NKAIN2: variants seen among roughly 807,000 people sequenced by gnomAD.
NKAIN2 encodes the protein sodium/potassium-transporting ATPase subunit beta-1-interacting protein 2.
In NKAIN2, 14 loss-of-function variants were observed where a neutral mutation model predicts 32.6. That is an observed-to-expected ratio of 0.43 (90% CI 0.28 to 0.67). The LOEUF is 0.67. NKAIN2 is among the 30% of genes least tolerant of loss of function. The pLI is 0.17. For missense variants in NKAIN2, 198 were observed against 258.3 expected, an observed-to-expected ratio of 0.77 and a Z score of 1.60; for synonymous variants, 80 against 87.2, an observed-to-expected ratio of 0.92 and a Z score of 0.46.
intron 3 of NKAIN2, among the ~76,000 whole-genome samples, chr6:124,458,683 CTG>C (rs1776413999): frequency 6.6e-6 from 1 of 151,740 alleles, no homozygotes; most frequent in African/African-American, 2.4e-5. Flanking sequence ...AATTATAGGA[CTG>C]TATTATTTTG....
At chr6:124,726,148 C>A (rs1776291389) in intron 4 of NKAIN2, among the ~76,000 whole-genome samples, 1 of 152,222 alleles carries the variant, frequency 6.6e-6, no homozygotes, top group Non-Finnish European at 1.5e-5. Context: ...CCCACCATTG[C>A]CCAGGCTTGA....
At chr6:124,724,856 C>T (rs1391421253) in intron 4 of NKAIN2, among the ~76,000 whole-genome samples, 4 of 152,174 alleles carry the variant, frequency 2.6e-5, no homozygotes, top group Non-Finnish European at 5.9e-5. Context: ...TAAATATGTT[C>T]ACATAGCTTG....
intron 3 of NKAIN2, among the ~76,000 whole-genome samples, chr6:124,630,162 G>A (rs1486966087): frequency 6.6e-6 from 1 of 152,146 alleles, no homozygotes; most frequent in Non-Finnish European, 1.5e-5. Context: ...GTATATACGG[G>A]CAAATAAATC....
At chr6:124,503,280 G>C (rs1183469198) in intron 3 of NKAIN2, among the ~76,000 whole-genome samples, 1 of 152,090 alleles carries the variant, frequency 6.6e-6, no homozygotes, top group East Asian at 1.9e-4. Flanking sequence ...AGAAAAACTA[G>C]AGGAATCTAA....
chr6:123,820,226 G>A (rs2114885844), intron 1 of NKAIN2, among the ~76,000 whole-genome samples: 1 of 152,252 alleles, frequency 6.6e-6, no homozygotes, highest in Admixed American at 6.5e-5. Context: ...CCAATGCAAA[G>A]GATACATTGA....
In NKAIN2 at chr6:123,816,183, G is replaced by T. The variant is rs1048981776; in HGVS notation, c.54+11929G>T. 5.3e-5 allele frequency among the ~76,000 whole-genome samples: 8 copies of T among 152,254 alleles called. No individual in the cohort carries two copies. In the South Asian group the frequency reaches 1.7e-3, roughly 32 times the overall value. ...GGACAATGAAGGGTCCAGATGAATG[G>T]CAAGTAGGGAAGAATTGTGAGGTGA... On this transcript the variant is annotated intron_variant, in intron 1 of 6. Transcript: ENST00000368417.
intron 3 of NKAIN2, among the ~76,000 whole-genome samples, chr6:124,426,549 G>C (rs1418192615): frequency 6.6e-6 from 1 of 152,162 alleles, no homozygotes; most frequent in Non-Finnish European, 1.5e-5. Flanking sequence ...AAGATAGACA[G>C]ATCGAAAATA....
chr6:124,700,739 A>T (rs1774736732), intron 4 of NKAIN2, among the ~76,000 whole-genome samples: 2 of 152,006 alleles, frequency 1.3e-5, no homozygotes, highest in African/African-American at 4.8e-5. Context: ...AGAGAAAAAT[A>T]CACCTAAAAA....
intron 3 of NKAIN2, among the ~76,000 whole-genome samples, chr6:124,389,667 C>T (rs1978514): frequency 6.6e-6 from 1 of 150,584 alleles, no homozygotes. Flanking sequence ...AGATCCTCAC[C>T]CTCTTTCTCT....
intron 4 of NKAIN2, among the ~76,000 whole-genome samples, chr6:124,692,545 G>A (rs1250851779): frequency 6.6e-6 from 1 of 152,054 alleles, no homozygotes; most frequent in Admixed American, 6.6e-5. Flanking sequence ...GGCCGGGTGC[G>A]GTGGTTCACA....
intron 3 of NKAIN2, among the ~76,000 whole-genome samples, chr6:124,407,240 A>G (rs1773902230): frequency 6.6e-6 from 1 of 152,114 alleles, no homozygotes; most frequent in South Asian, 2.1e-4. Flanking sequence ...ACATGTGCAC[A>G]ACATGCAGGT....
intron 4 of NKAIN2, among the ~76,000 whole-genome samples, chr6:124,721,381 G>A (rs1393326309): frequency 3.4e-5 from 5 of 148,102 alleles, no homozygotes; most frequent in African/African-American, 1.0e-4. Flanking sequence ...TCCCGCCTGG[G>A]CGACAGAACG....
At chr6:124,570,745 G>A (rs1781095645) in intron 3 of NKAIN2, among the ~76,000 whole-genome samples, 1 of 152,212 alleles carries the variant, frequency 6.6e-6, no homozygotes, top group South Asian at 2.1e-4. Context: ...AGGGAAATGT[G>A]GGGTTATGGG....
chr6:124,821,778 A>G lies in NKAIN2; in HGVS notation c.618-1442A>G, dbSNP rs1373188703. Among the ~76,000 whole-genome samples, 3 of 152,214 alleles carry G rather than the reference A, an allele frequency of 2.0e-5. No individual in the cohort carries two copies. The South Asian group carries it at 6.2e-4, about 32-fold the overall frequency. ...TATACTTAAGGTACATTTAAAAATTACTAGTCAAAATACTCCAATCATTCC... is the reference window on the plus strand; with the variant it reads ...TATACTTAAGGTACATTTAAAAATTGCTAGTCAAAATACTCCAATCATTCC... On this transcript the variant is annotated intron_variant, in intron 6 of 6. Coordinates refer to ENST00000368417, the MANE Select transcript of NKAIN2 (RefSeq NM_001040214.3).
chr6:123,920,259 C>T (rs749073715), intron 1 of NKAIN2, among the ~76,000 whole-genome samples: 3 of 152,068 alleles, frequency 2.0e-5, no homozygotes, highest in Non-Finnish European at 2.9e-5. Flanking sequence ...AAAATAAGCA[C>T]TTTATTTCTA....
chr6:124,029,657 G>A (rs372618327), intron 1 of NKAIN2, among the ~76,000 whole-genome samples: 10 of 152,300 alleles, frequency 6.6e-5, no homozygotes, highest in Middle Eastern at 3.4e-3. Context: ...ATGCAGACCA[G>A]CAGGGATTCT....
At chr6:124,049,379 C>T (rs1782294630) in intron 1 of NKAIN2, among the ~76,000 whole-genome samples, 1 of 151,980 alleles carries the variant, frequency 6.6e-6, no homozygotes, top group Non-Finnish European at 1.5e-5. Flanking sequence ...TTCTGTGACC[C>T]TGCCTGTGTA....
At chr6:124,296,135 G>A (rs1796042731) in intron 2 of NKAIN2, among the ~76,000 whole-genome samples, 2 of 151,980 alleles carry the variant, frequency 1.3e-5, no homozygotes, top group Non-Finnish European at 2.9e-5. Flanking sequence ...CACCTTGGAT[G>A]CAAATTTCTT....
At chr6:124,161,925 C>A (rs561092437) in intron 1 of NKAIN2, among the ~76,000 whole-genome samples, 1 of 151,562 alleles carries the variant, frequency 6.6e-6, no homozygotes, top group East Asian at 1.9e-4. Context: ...CTCCATGTAC[C>A]CCTGAATCTG....
Sources: gnomAD v4.1 joint callset for allele counts (sites outside exome capture counted in the v4.1 genomes callset) on GRCh38, gnomAD v4.1.1 for gene constraint, MANE v1.5 for transcripts, NCBI Gene and HGNC (gene_info 2026-07-23, HGNC 2026-07-21) for gene names.